Variants in RHOBTB2 observed in about 807,000 individuals in gnomAD.
RHOBTB2 encodes the protein Rho related BTB domain containing 2, also known as rho-related BTB domain-containing protein 2.
In RHOBTB2, 39 loss-of-function variants were observed where a neutral mutation model predicts 66.5. The ratio of observed to expected loss-of-function variants is 0.59; its 90% CI spans 0.45 to 0.77. RHOBTB2 has a LOEUF of 0.77. Among genes scored for constraint, RHOBTB2 ranks in the 30% least tolerant of loss-of-function variants. The pLI is 0.00. For missense variants in RHOBTB2, 755 were observed against 999.1 expected, an observed-to-expected ratio of 0.76 and a Z score of 3.29; for synonymous variants, 390 against 395.0, an observed-to-expected ratio of 0.99 and a Z score of 0.15.
chr8:23,004,492 G>C lies in RHOBTB2; in HGVS notation c.58G>C (p.Val20Leu). The C allele has an allele frequency of 6.2e-7, 1 of 1,614,180 alleles. No individual in the cohort carries two copies. The highest frequency in any genetic ancestry group is 8.5e-7 in the Non-Finnish European group (1 of 1,179,976). Residue 20 changes from valine (V) to leucine (L), a missense_variant, in exon 2 of 10, where the codon GTG (valine) becomes CTG (leucine). By Grantham distance (32) the Val-to-Leu change is conservative. Around this residue, in one of 7 missense-constraint regions of RHOBTB2, gnomAD observed 65 missense variants for 152.4 expected, o/e 0.43. Coordinates refer to ENST00000251822, the MANE Select transcript of RHOBTB2 (RefSeq NM_015178.3). This position sits in a 1 kb window ranked among gnomAD's most constrained non-coding sequence, Gnocchi z 6.4. ...CGTAGAGACCATCAAGTGCGTTGTGGTGGGGGACAACGCCGTGGGTAAGAC... is the reference window on the plus strand; with the variant it reads ...CGTAGAGACCATCAAGTGCGTTGTGCTGGGGGACAACGCCGTGGGTAAGAC... ...PNVETIKCVV[V>L]GDNAVGKTRL...
At chr8:22,997,582 C>T (rs1031868897), upstream of RHOBTB2, among the ~76,000 whole-genome samples, 1 of 152,204 alleles carries the variant, frequency 6.6e-6, no homozygotes, top group Admixed American at 6.5e-5. Context: ...GCTGAGCTGG[C>T]TTTTTCTCCC....
the RHOBTB2 span, among the ~76,000 whole-genome samples, chr8:22,973,626 CA>C: frequency 1.1e-4 from 16 of 152,296 alleles, no homozygotes; most frequent in South Asian, 1.5e-3. Flanking sequence ...CCGGGCCTGG[CA>C]CTTCCTCACT....
chr8:22,975,577 T>C, the RHOBTB2 span, among the ~76,000 whole-genome samples: 1 of 152,080 alleles, frequency 6.6e-6, no homozygotes, highest in Non-Finnish European at 1.5e-5. Context: ...CACTAGAAAG[T>C]GCTAGAACTA....
At chr8:22,988,262 T>A (rs1439882901) in intron 1 of RHOBTB2, among the ~76,000 whole-genome samples, 1 of 149,060 alleles carries the variant, frequency 6.7e-6, no homozygotes, top group Non-Finnish European at 1.5e-5. Flanking sequence ...CGAATTCAAG[T>A]GATTCTCCTG....
At chr8:22,989,228 A>T (rs1223825400) in intron 1 of RHOBTB2, among the ~76,000 whole-genome samples, 1 of 151,558 alleles carries the variant, frequency 6.6e-6, no homozygotes, top group Non-Finnish European at 1.5e-5. Context: ...GCTCACTACA[A>T]CCTCTGCCTC....
At position 23,017,178 on chromosome 8, in the gene RHOBTB2, G is replaced by C; in HGVS notation, c.1967-74G>C. Reference sequence around the variant, plus strand: ...AGGCCTGCTGCAGGCCTTGTGGTGGGGTAGGGCTGGTGTCCCACGTTCCTC... The same window carrying C: ...AGGCCTGCTGCAGGCCTTGTGGTGGCGTAGGGCTGGTGTCCCACGTTCCTC... On this transcript the variant is annotated intron_variant, in intron 9 of 9. Coordinates refer to ENST00000251822, the MANE Select transcript of RHOBTB2 (RefSeq NM_015178.3). This position sits in a 1 kb window ranked among gnomAD's most constrained non-coding sequence, Gnocchi z 5.3. 1.3e-6 allele frequency: 2 copies of C among 1,580,318 alleles called. No individual in the cohort carries two copies. Among genetic ancestry groups the C allele is most frequent in the South Asian group, 2.4e-5 (2 of 84,886 alleles).
chr8:22,986,700 A>G (rs969230366), upstream of RHOBTB2, among the ~76,000 whole-genome samples: 50 of 152,192 alleles, frequency 3.3e-4, no homozygotes, highest in African/African-American at 1.1e-3. Flanking sequence ...TGATCACCTC[A>G]GTATAAAGGT....
intron 7 of RHOBTB2, among the ~76,000 whole-genome samples, chr8:23,012,098 C>T (rs1438883854): frequency 1.3e-5 from 2 of 152,148 alleles, no homozygotes; most frequent in Non-Finnish European, 2.9e-5. Context: ...AACAGTATAT[C>T]TTGTTTTGCT....
At chr8:22,956,723 G>A in the RHOBTB2 span, among the ~76,000 whole-genome samples, 3 of 152,140 alleles carry the variant, frequency 2.0e-5, no homozygotes, top group Admixed American at 6.6e-5. Flanking sequence ...GTGCAATGGC[G>A]CAATCTTGAC....
At position 23,007,699 on chromosome 8, in the gene RHOBTB2, G is replaced by A. The variant is rs1811013453; in HGVS notation, c.1454G>A (p.Arg485His). 6.2e-7 allele frequency: 1 copy of A among 1,614,176 alleles called. No individual in the cohort carries two copies. The highest frequency in any genetic ancestry group is 8.5e-7 in the Non-Finnish European group (1 of 1,180,038). The change falls in exon 5 of 10, where the codon CGC (arginine) becomes CAC (histidine). Residue 485 changes from arginine (R) to histidine (H), a missense_variant. Physicochemically the swap from Arg to His is conservative, Grantham distance 29. Transcript: ENST00000251822. ...NQEITKAFHV[R>H]RTNRVKECLA... ...GAGATCACCAAGGCCTTCCACGTCCGCCGGACCAACCGGGTTAAGGAGTGC... is the reference window on the plus strand; with the variant it reads ...GAGATCACCAAGGCCTTCCACGTCCACCGGACCAACCGGGTTAAGGAGTGC...
chr8:22,988,582 C>T (rs1810345517), intron 1 of RHOBTB2, among the ~76,000 whole-genome samples: 1 of 152,148 alleles, frequency 6.6e-6, no homozygotes, highest in African/African-American at 2.4e-5. Flanking sequence ...AGAAACTGAG[C>T]AGCATCCCTA....
the RHOBTB2 span, among the ~76,000 whole-genome samples, chr8:22,953,671 AGTGCT>A: frequency 6.6e-6 from 1 of 152,228 alleles, no homozygotes; most frequent in African/African-American, 2.4e-5. Context: ...TTTAGCACTG[AGTGCT>A]GTACATCATA....
At chr8:22,995,974 G>T, upstream of RHOBTB2, 2 of 1,252,056 alleles carry the variant, frequency 1.6e-6, no homozygotes, top group Non-Finnish European at 1.1e-6. Flanking sequence ...GGCGGTCTGC[G>T]TTGGGCTGGC....
chr8:22,999,482 T>A, upstream of RHOBTB2: 1 of 928,110 alleles, frequency 1.1e-6, no homozygotes, highest in South Asian at 2.4e-5. Context: ...TCCAATCCCC[T>A]TCTTCCCCCG....
At chr8:23,009,066 A>C (rs1351104733) in intron 6 of RHOBTB2, among the ~76,000 whole-genome samples, 1 of 152,040 alleles carries the variant, frequency 6.6e-6, no homozygotes, top group African/African-American at 2.4e-5. Context: ...TTACACCTGT[A>C]ATCCCAGCAC....
chr8:23,017,187 G>T lies in RHOBTB2; in HGVS notation c.1967-65G>T. The T allele has an allele frequency of 1.3e-6, 2 of 1,592,004 alleles. No individual in the cohort carries two copies. Among genetic ancestry groups the T allele is most frequent in the Non-Finnish European group, 1.7e-6 (2 of 1,167,846 alleles). The stretch of plus-strand genomic sequence containing the variant: ...GCAGGCCTTGTGGTGGGGTAGGGCT[G>T]GTGTCCCACGTTCCTCTTGTCCCTC... On this transcript the variant is annotated intron_variant, in intron 9 of 9. Coordinates refer to ENST00000251822, the MANE Select transcript of RHOBTB2 (RefSeq NM_015178.3). The surrounding 1 kb of genome is among the most constrained non-coding windows in gnomAD (Gnocchi z 5.3).
rs1462033429 is a variant in RHOBTB2, at chr8:23,007,174, A to G, written c.929A>G (p.Glu310Gly). The G allele has an allele frequency of 6.2e-7, 1 of 1,604,036 alleles. No individual in the cohort carries two copies. Among genetic ancestry groups the G allele is most frequent in the Non-Finnish European group, 8.5e-7 (1 of 1,178,614 alleles). ...LSEGELGGPS[E>G]PGGTHPEDHQ... ...GAGGGGGAGCTGGGGGGCCCCTCGG[A>G]GCCAGGGGGCACCCACCCAGAGGAC... The change falls in exon 5 of 10, where the codon GAG becomes GGG. Residue 310 changes from glutamate (E) to glycine (G), a missense_variant. Glu to Gly is a moderately conservative substitution (Grantham distance 98). This residue lies in a region of RHOBTB2 where 247 missense variants were observed against 238.9 expected (regional missense o/e 1.03). Transcript: ENST00000251822.
the RHOBTB2 span, among the ~76,000 whole-genome samples, chr8:22,953,370 G>C: frequency 7.0e-6 from 1 of 141,894 alleles, no homozygotes; most frequent in African/African-American, 2.5e-5. Context: ...TTATTTTAGA[G>C]AGACAACTAA....
chr8:22,951,505 C>T, the RHOBTB2 span, among the ~76,000 whole-genome samples: 1 of 152,164 alleles, frequency 6.6e-6, no homozygotes, highest in South Asian at 2.1e-4. Context: ...GTGGGATTAT[C>T]ATTAGTTCTT....
Sources: gnomAD v4.1 joint callset for allele counts (sites outside exome capture counted in the v4.1 genomes callset) on GRCh38, gnomAD v4.1.1 for gene constraint, gnomAD v4.1.1 regional missense constraint, Gnocchi (gnomAD v3.1) non-coding constraint, MANE v1.5 for transcripts, NCBI Gene and HGNC (gene_info 2026-07-23, HGNC 2026-07-21) for gene names.